The following EDAR variants were observed in gnomAD, a reference collection of about 807,000 sequenced individuals.
EDAR encodes the protein ectodysplasin A receptor, also known as tumor necrosis factor receptor superfamily member EDAR.
EDAR carries 38 observed loss-of-function variants against 51.3 expected under a neutral mutation model. The ratio of observed to expected loss-of-function variants is 0.74; its 90% CI spans 0.57 to 0.97. The LOEUF (loss-of-function observed/expected upper bound fraction) is 0.97, where lower values mean the gene tolerates loss of function less well. Ranked by LOEUF, EDAR falls within the 50% of genes least tolerant of loss-of-function variation. The probability of loss-of-function intolerance (pLI) is 0.00; values close to 1 mark genes in which losing one functional copy is unlikely to be tolerated. For missense variants in EDAR, 528 were observed against 595.0 expected, an observed-to-expected ratio of 0.89 and a Z score of 1.17; for synonymous variants, 227 against 242.1, an observed-to-expected ratio of 0.94 and a Z score of 0.58.
chr2:108,930,555 C>T (rs1454506128), intron 2 of EDAR, among the ~76,000 whole-genome samples: 4 of 152,134 alleles, frequency 2.6e-5, no homozygotes, highest in South Asian at 2.1e-4. Flanking sequence ...ATGGAGGAGG[C>T]GCCCCTGTCC....
chr2:108,913,231 G>GCA (rs1696964306), intron 5 of EDAR, among the ~76,000 whole-genome samples: 1 of 152,118 alleles, frequency 6.6e-6, no homozygotes, highest in Non-Finnish European at 1.5e-5. Flanking sequence ...TTACAGGCAT[G>GCA]AGCCACCGCG....
intron 1 of EDAR, among the ~76,000 whole-genome samples, chr2:108,942,393 G>A (rs908628308): frequency 9.2e-5 from 14 of 152,230 alleles, no homozygotes; most frequent in African/African-American, 3.4e-4. Context: ...TGGGGCTGAG[G>A]GGAGGAAGGG....
At chr2:108,920,763 A>G (rs999909322) in intron 5 of EDAR, among the ~76,000 whole-genome samples, 4 of 152,212 alleles carry the variant, frequency 2.6e-5, no homozygotes, top group African/African-American at 7.2e-5. Context: ...CCTCAGGGTT[A>G]TTTGAGGGGC....
chr2:108,938,806 C>G (rs79629836), intron 1 of EDAR, among the ~76,000 whole-genome samples: 1 of 148,970 alleles, frequency 6.7e-6, no homozygotes, highest in Non-Finnish European at 1.5e-5. Flanking sequence ...CCCCACCCCC[C>G]AGAGTCTTGC....
rs1398735302 is a variant in EDAR, at chr2:108,895,560, T to A, written c.*1347A>T. ...CAAGTCTGAGTTTTTCTGTTTTTAT[T>A]CCCATTTAAATGGACAAACCACACT... is the stretch of plus-strand genomic sequence containing the variant. On this transcript the variant is annotated 3_prime_UTR_variant, in exon 12 of 12. Coordinates refer to ENST00000258443, the MANE Select transcript of EDAR (RefSeq NM_022336.4). 1 of 152,212 alleles carries A rather than the reference T, an allele frequency of 6.6e-6. No homozygotes were observed. The highest frequency in any genetic ancestry group is 1.5e-5 in the Non-Finnish European group (1 of 68,034). The allele number at this position is 152,212 out of a possible 1,614,324, so 9.4% of individuals were successfully genotyped here.
chr2:108,964,105 C>G (rs1361961373), intron 1 of EDAR, among the ~76,000 whole-genome samples: 1 of 152,226 alleles, frequency 6.6e-6, no homozygotes, highest in Non-Finnish European at 1.5e-5. Flanking sequence ...TAAATTTAAA[C>G]AGACACGTAT....
At chr2:108,930,274 T>C in intron 2 of EDAR, 32 bp from the exon 3 acceptor site, 1 of 1,613,774 alleles carries the variant, frequency 6.2e-7, no homozygotes, top group Non-Finnish European at 8.5e-7. Context: ...GTGGCCTCCG[T>C]ACCTCCTTAG....
intron 1 of EDAR, among the ~76,000 whole-genome samples, chr2:108,983,326 T>C (rs952778224): frequency 2.0e-5 from 3 of 152,226 alleles, no homozygotes; most frequent in Non-Finnish European, 2.9e-5. Context: ...CTTTTAGGGA[T>C]GCTCAGTGCA....
Position 108,930,147 on chromosome 2 carries a change from C to T in EDAR, c.147G>A (p.Pro49=), listed in dbSNP as rs149582563. 3.5e-4 allele frequency: 571 copies of T among 1,613,848 alleles called. 1 individual carries two copies. The highest frequency in any genetic ancestry group is 1.5e-3 in the Middle Eastern group (9 of 6,082). The change falls in exon 3 of 12, where the codon CCG becomes CCA. Residue 49 remains proline (P), a synonymous_variant. Coordinates refer to ENST00000258443, the MANE Select transcript of EDAR (RefSeq NM_022336.4). ...GGTAGGGCTCCTCTCCCGGCCCACA[C>T]GGGGGGCACTCCTGGCACAGCCCCG... ...QTTGLCQECP[P]CGPGEEPYLS...
intron 1 of EDAR, among the ~76,000 whole-genome samples, chr2:108,968,917 TAAA>T (rs1350760064): frequency 6.6e-6 from 1 of 152,218 alleles, no homozygotes; most frequent in South Asian, 2.1e-4. Flanking sequence ...TTTAGCCTGA[TAAA>T]AAAGACAACC....
intron 1 of EDAR, among the ~76,000 whole-genome samples, chr2:108,963,425 A>G (rs1357782115): frequency 6.6e-6 from 1 of 152,182 alleles, no homozygotes; most frequent in African/African-American, 2.4e-5. Context: ...AAGGACATTT[A>G]AAAAAATTGA....
chr2:108,935,602 C>T (rs1245241534), intron 1 of EDAR, among the ~76,000 whole-genome samples: 1 of 152,224 alleles, frequency 6.6e-6, no homozygotes, highest in Admixed American at 6.5e-5. Flanking sequence ...TCTTTAAGTT[C>T]TGGCCTTCTT....
chr2:108,962,568 G>C (rs922652906), intron 1 of EDAR, among the ~76,000 whole-genome samples: 2 of 151,222 alleles, frequency 1.3e-5, no homozygotes, highest in Non-Finnish European at 1.5e-5. Context: ...CCAGCTACTC[G>C]GGAGGCTGAG....
intron 5 of EDAR, among the ~76,000 whole-genome samples, chr2:108,914,688 A>G (rs920299100): frequency 6.6e-6 from 1 of 152,206 alleles, no homozygotes; most frequent in African/African-American, 2.4e-5. Context: ...ACATGCTTCA[A>G]ATGCATCTCC....
intron 1 of EDAR, among the ~76,000 whole-genome samples, chr2:108,932,384 C>T (rs957242859): frequency 6.6e-6 from 1 of 151,678 alleles, no homozygotes; most frequent in African/African-American, 2.4e-5. Flanking sequence ...AAAAAATTAC[C>T]CGGGCATGGT....
chr2:108,899,635 G>A (rs1350792653), intron 11 of EDAR, among the ~76,000 whole-genome samples: 1 of 152,160 alleles, frequency 6.6e-6, no homozygotes, highest in African/African-American at 2.4e-5. Context: ...AACAGAGAAG[G>A]TAAAGGGACA....
At chr2:108,920,322 A>G (rs1019311379) in intron 5 of EDAR, among the ~76,000 whole-genome samples, 2 of 152,166 alleles carry the variant, frequency 1.3e-5, no homozygotes, top group African/African-American at 4.8e-5. Context: ...ATAACTTGTA[A>G]TGAAATCCAA....
At chr2:108,956,800 T>C (rs1370949376) in intron 1 of EDAR, among the ~76,000 whole-genome samples, 1 of 152,204 alleles carries the variant, frequency 6.6e-6, no homozygotes. Flanking sequence ...TTTTTTGTTT[T>C]TTTTGAGACA....
chr2:108,898,008 T>C (rs940928), intron 11 of EDAR, among the ~76,000 whole-genome samples: 118,251 of 152,140 alleles, frequency 0.78, 47,171 homozygotes, highest in East Asian at 0.97. Flanking sequence ...TCCAAAAATC[T>C]GGAAATAATA....
Sources: gnomAD v4.1 joint callset for allele counts (sites outside exome capture counted in the v4.1 genomes callset) on GRCh38, gnomAD v4.1.1 for gene constraint, MANE v1.5 for transcripts, NCBI Gene and HGNC (gene_info 2026-07-23, HGNC 2026-07-21) for gene names.